Variants in TMEM132C observed in about 807,000 individuals in gnomAD.
The protein encoded by TMEM132C is transmembrane protein 132C, also known as protein phosphatase 1, regulatory subunit 152.
Under a neutral mutation model 61.4 loss-of-function variants are expected in TMEM132C, and 29 were observed. That is an observed-to-expected ratio of 0.47 (90% CI 0.35 to 0.64). TMEM132C has a LOEUF of 0.64. Ranked by LOEUF, TMEM132C falls within the 30% of genes least tolerant of loss-of-function variation. The pLI is 0.00. For synonymous variants in TMEM132C, 656 were observed against 633.1 expected, an observed-to-expected ratio of 1.04 and a Z score of -0.54; for missense variants, 1,408 against 1,476.9, an observed-to-expected ratio of 0.95 and a Z score of 0.76.
At chr12:128,607,275 G>C (rs892507155) in intron 3 of TMEM132C, among the ~76,000 whole-genome samples, 1 of 152,206 alleles carries the variant, frequency 6.6e-6, no homozygotes, top group Non-Finnish European at 1.5e-5. Flanking sequence ...AGCAAGGGGA[G>C]GGGTAGGAGA....
intron 2 of TMEM132C, among the ~76,000 whole-genome samples, chr12:128,479,483 G>A (rs1166837926): frequency 6.6e-6 from 1 of 152,114 alleles, no homozygotes; most frequent in Non-Finnish European, 1.5e-5. Context: ...ACCACTGGGG[G>A]AAAAAAAGTA....
intron 1 of TMEM132C, among the ~76,000 whole-genome samples, chr12:128,334,620 G>A (rs1031914731): frequency 1.3e-5 from 2 of 149,330 alleles, no homozygotes; most frequent in Non-Finnish European, 3.0e-5. Context: ...TTTTGAGACG[G>A]TGTCTTGCTC....
Position 128,635,296 on chromosome 12 carries a change from C to T in TMEM132C, c.1305+18961C>T, listed in dbSNP as rs1013722968. On this transcript the variant is annotated intron_variant, in intron 4 of 8. Transcript: ENST00000435159. ...GCTCAAGTGCAGAAATCACCAAAGC[C>T]GAAGTCCCTGCATACTAAAGATTCT... Among the ~76,000 whole-genome samples the T allele has an allele frequency of 5.3e-5, 8 of 152,040 alleles. No homozygotes were observed. The East Asian group carries it at 9.6e-4, about 18-fold the overall frequency.
chr12:128,654,558 A>G (rs184719712), intron 4 of TMEM132C, among the ~76,000 whole-genome samples: 33 of 152,326 alleles, frequency 2.2e-4, no homozygotes, highest in East Asian at 7.7e-4. Context: ...TATGTATACA[A>G]TAGTGCATTG....
chr12:128,602,555 A>G (rs1334281194), intron 3 of TMEM132C, among the ~76,000 whole-genome samples: 1 of 152,202 alleles, frequency 6.6e-6, no homozygotes, highest in Non-Finnish European at 1.5e-5. Flanking sequence ...ACAGGGGTGT[A>G]CGATTCCATC....
At position 128,695,990 on chromosome 12, in the gene TMEM132C, T is replaced by A. The variant is rs756438953; in HGVS notation, c.1816T>A (p.Phe606Ile). The change falls in exon 7 of 9, where the codon TTC becomes ATC. Residue 606 changes from phenylalanine (F) to isoleucine (I), a missense_variant. Transcript: ENST00000435159. ...PNYLLSPNWQFDITHLVADFM... is the reference protein window; with the variant it reads ...PNYLLSPNWQIDITHLVADFM... ...CTACCTGCTTAGTCCTAACTGGCAG[T>A]TCGACATCACTCACCTGGTGGCAGA... The A allele has an allele frequency of 2.2e-5, 34 of 1,551,750 alleles. No homozygotes were observed. Among genetic ancestry groups the A allele is most frequent in the East Asian group, 1.5e-4 (6 of 40,912 alleles).
chr12:128,550,183 G>A (rs542430289), intron 3 of TMEM132C, among the ~76,000 whole-genome samples: 2 of 152,342 alleles, frequency 1.3e-5, no homozygotes, highest in South Asian at 2.1e-4. Flanking sequence ...TCAGGGTGCT[G>A]TCAAGGGTGG....
chr12:128,538,880 G>C (rs1327145084), intron 2 of TMEM132C, among the ~76,000 whole-genome samples: 1 of 152,100 alleles, frequency 6.6e-6, no homozygotes, highest in Non-Finnish European at 1.5e-5. Flanking sequence ...TAAAATATAA[G>C]TACATGTGCT....
chr12:128,531,189 A>G (rs1476456428), intron 2 of TMEM132C, among the ~76,000 whole-genome samples: 1 of 152,214 alleles, frequency 6.6e-6, no homozygotes, highest in Non-Finnish European at 1.5e-5. Context: ...GAAATAATAG[A>G]GTTAGAAGTA....
intron 3 of TMEM132C, among the ~76,000 whole-genome samples, chr12:128,598,903 G>T (rs79448522): frequency 6.6e-6 from 1 of 152,070 alleles, no homozygotes; most frequent in East Asian, 1.9e-4. Context: ...ACAGTGGCTT[G>T]TCTAGTTTCA....
At chr12:128,668,984 A>G (rs935591131) in intron 4 of TMEM132C, among the ~76,000 whole-genome samples, 6 of 152,198 alleles carry the variant, frequency 3.9e-5, no homozygotes, top group African/African-American at 1.4e-4. Context: ...CATGTAAGGT[A>G]ACATTCACAA....
intron 1 of TMEM132C, among the ~76,000 whole-genome samples, chr12:128,289,278 A>G (rs1251437017): frequency 2.6e-5 from 4 of 152,182 alleles, no homozygotes; most frequent in African/African-American, 9.7e-5. Flanking sequence ...ACACGCACAC[A>G]TGCTCATGTG....
Position 128,463,404 on chromosome 12 carries a change from C to T in TMEM132C, c.974+47784C>T, listed in dbSNP as rs143373768. On this transcript the variant is annotated intron_variant, in intron 2 of 8. Transcript: ENST00000435159. ...CGCGATCTCAGCTCACTGCTACCTC[C>T]GCCTCCTGGGTTCAAGTGATTCTCC... is the stretch of plus-strand genomic sequence containing the variant. Among the ~76,000 whole-genome samples the T allele has an allele frequency of 5.7e-3, 862 of 152,142 alleles. 15 individuals carry two copies. Among genetic ancestry groups the T allele is most frequent in the African/African-American group, 0.02 (813 of 41,514 alleles).
intron 1 of TMEM132C, among the ~76,000 whole-genome samples, chr12:128,402,628 C>T (rs758941797): frequency 1.4e-4 from 17 of 122,600 alleles, no homozygotes; most frequent in Non-Finnish European, 1.9e-4. Context: ...CACCTGCAGA[C>T]GGACCTCGGT....
At chr12:128,445,801 G>A (rs1352063725) in intron 2 of TMEM132C, among the ~76,000 whole-genome samples, 2 of 152,030 alleles carry the variant, frequency 1.3e-5, no homozygotes, top group African/African-American at 4.8e-5. Context: ...TGATTTAAAA[G>A]CCCCCCACCC....
At chr12:128,641,474 A>C (rs1374467196) in intron 4 of TMEM132C, among the ~76,000 whole-genome samples, 1 of 152,190 alleles carries the variant, frequency 6.6e-6, no homozygotes, top group Non-Finnish European at 1.5e-5. Context: ...ATCCAATGGC[A>C]AGTGTCCTCA....
chr12:128,555,918 G>T (rs968468353), intron 3 of TMEM132C, among the ~76,000 whole-genome samples: 6 of 152,042 alleles, frequency 3.9e-5, no homozygotes, highest in Admixed American at 2.0e-4. Context: ...GGGTCTCATT[G>T]TGTTGCCCAG....
chr12:128,313,934 A>G (rs112404415), intron 1 of TMEM132C, among the ~76,000 whole-genome samples: 129 of 152,328 alleles, frequency 8.5e-4, no homozygotes, highest in African/African-American at 2.9e-3. Flanking sequence ...AGTTCCCTCA[A>G]AAGAAAAACC....
intron 1 of TMEM132C, among the ~76,000 whole-genome samples, chr12:128,397,109 C>G (rs966979117): frequency 6.6e-6 from 1 of 152,212 alleles, no homozygotes; most frequent in African/African-American, 2.4e-5. Flanking sequence ...AGCTACTCCC[C>G]ACAGCCTCAC....
Sources: allele counts gnomAD v4.1 joint callset (sites outside exome capture counted in the v4.1 genomes callset), GRCh38; gene constraint gnomAD v4.1.1; transcripts MANE v1.5; gene names NCBI Gene and HGNC (gene_info 2026-07-23, HGNC 2026-07-21).